Variants in EMCN observed in about 807,000 individuals in gnomAD.
EMCN encodes endomucin, also known as MUC-14.
EMCN carries 37 observed loss-of-function variants against 38.4 expected under a neutral mutation model. That is an observed-to-expected ratio of 0.96 (90% CI 0.74 to 1.27). The LOEUF is 1.27. Ranked by LOEUF, EMCN falls within the 50% of genes most tolerant of loss-of-function variation. EMCN has a pLI of 0.00. For synonymous variants in EMCN, 95 were observed against 100.8 expected (o/e 0.94, Z 0.35); for missense variants, 318 against 302.8 (o/e 1.05, Z -0.37).
chr4:100,451,792 C>T (rs907240543), intron 4 of EMCN, among the ~76,000 whole-genome samples: 4 of 151,848 alleles, frequency 2.6e-5, no homozygotes, highest in African/African-American at 9.7e-5. Flanking sequence ...CTTTGCCTGG[C>T]TTTTATGAGA....
At chr4:100,457,713 G>A (rs1475782967) in intron 4 of EMCN, among the ~76,000 whole-genome samples, 1 of 152,072 alleles carries the variant, frequency 6.6e-6, no homozygotes, top group Non-Finnish European at 1.5e-5. Context: ...ATATTTTGTT[G>A]AACGTATTTG....
chr4:100,420,644 G>A (rs1726863083), intron 8 of EMCN, among the ~76,000 whole-genome samples: 1 of 151,928 alleles, frequency 6.6e-6, no homozygotes, highest in African/African-American at 2.4e-5. Flanking sequence ...TCAGAATTTA[G>A]TTAACAATAA....
rs35563606 is a variant in EMCN, at chr4:100,490,174, TA to T, written c.65-10136del. Among the ~76,000 whole-genome samples, 614 of 120,290 alleles carry T rather than the reference TA, an allele frequency of 5.1e-3. 3 individuals carry two copies. Among genetic ancestry groups the T allele is most frequent in the Middle Eastern group, 9.0e-3 (2 of 222 alleles). The allele number at this position is 120,290 out of a possible 152,430, so 78.9% of individuals were successfully genotyped here. A position where few individuals can be genotyped will look rare whatever the true frequency, so the allele number is the denominator to read the frequency against. On this transcript the variant is annotated intron_variant, in intron 1 of 11. Transcript: ENST00000296420. ...CTTAATTTTTTACAACTTGAAAAAGTAAAAAAAAAAAAAAAGATTAAAAACA... is the reference window on the plus strand; with the variant it reads ...CTTAATTTTTTACAACTTGAAAAAGTAAAAAAAAAAAAAAGATTAAAAACA...
intron 4 of EMCN, among the ~76,000 whole-genome samples, chr4:100,461,299 C>A (rs868803012): frequency 7.9e-5 from 12 of 152,230 alleles, no homozygotes; most frequent in Middle Eastern, 6.8e-3. Flanking sequence ...AAAATTGGCA[C>A]TACCATCACC....
intron 11 of EMCN, among the ~76,000 whole-genome samples, chr4:100,406,018 G>A (rs1726382807): frequency 6.6e-6 from 1 of 151,894 alleles, no homozygotes; most frequent in Admixed American, 6.6e-5. Context: ...ACATAAAGAT[G>A]TTTGTAATAG....
chr4:100,446,512 T>A (rs1330473492), intron 5 of EMCN, among the ~76,000 whole-genome samples: 5 of 152,108 alleles, frequency 3.3e-5, no homozygotes, highest in African/African-American at 1.2e-4. Flanking sequence ...CACTCATAAT[T>A]TTTTTATTTT....
At chr4:100,481,649 A>G (rs369542169) in intron 1 of EMCN, among the ~76,000 whole-genome samples, 52 of 152,012 alleles carry the variant, frequency 3.4e-4, no homozygotes, top group African/African-American at 1.3e-3. Flanking sequence ...TGTTCTGGCT[A>G]TTTTTGTTTT....
intron 5 of EMCN, among the ~76,000 whole-genome samples, chr4:100,430,678 A>G (rs1226075927): frequency 1.3e-5 from 2 of 152,172 alleles, no homozygotes; most frequent in Non-Finnish European, 2.9e-5. Flanking sequence ...AGGGTGGTGC[A>G]AGAACAGTGC....
intron 5 of EMCN, among the ~76,000 whole-genome samples, chr4:100,439,769 T>G (rs1173726208): frequency 1.3e-5 from 2 of 152,024 alleles, no homozygotes; most frequent in Admixed American, 1.3e-4. Context: ...TGTATTGCTA[T>G]AAACTTTTCT....
At chr4:100,413,276 T>C (rs1726615205) in intron 10 of EMCN, among the ~76,000 whole-genome samples, 5 of 152,216 alleles carry the variant, frequency 3.3e-5, no homozygotes, top group Non-Finnish European at 7.3e-5. Flanking sequence ...AATTGTTTTC[T>C]GTATTTTAAA....
intron 1 of EMCN, among the ~76,000 whole-genome samples, chr4:100,498,188 A>G (rs1729258871): frequency 6.6e-6 from 1 of 152,212 alleles, no homozygotes; most frequent in African/African-American, 2.4e-5. Context: ...CTGAAGAAAC[A>G]ATGTCTGAAA....
chr4:100,513,024 A>G (rs1729668332), intron 1 of EMCN, among the ~76,000 whole-genome samples: 1 of 152,170 alleles, frequency 6.6e-6, no homozygotes, highest in Non-Finnish European at 1.5e-5. Context: ...GTTGTCTAGT[A>G]AATTCAAAGC....
chr4:100,422,817 C>CTTTCTTTT (rs200916996), intron 7 of EMCN, among the ~76,000 whole-genome samples: 3,460 of 120,140 alleles, frequency 0.029, 49 homozygotes, highest in Non-Finnish European at 0.041. Context: ...TTCTTTCTTT[C>CTTTCTTTT]TTTTCTTTTT....
At chr4:100,489,397 A>G (rs2110290451) in intron 1 of EMCN, among the ~76,000 whole-genome samples, 1 of 152,340 alleles carries the variant, frequency 6.6e-6, no homozygotes, top group South Asian at 2.1e-4. Context: ...GTTTTCCACA[A>G]TGATGGTAGT....
chr4:100,513,520 C>T lies in EMCN; in HGVS notation c.64+4331G>A, dbSNP rs1021603828. On this transcript the variant is annotated intron_variant, in intron 1 of 11. Transcript: ENST00000296420. ...AAGGTAGCTCCTTGAATACTTTTAA[C>T]TATAGGAATGTATCACATTGAGTAT... Among the ~76,000 whole-genome samples, 8 of 152,062 alleles carry T rather than the reference C, an allele frequency of 5.3e-5. No homozygotes were observed. In the South Asian group the frequency reaches 6.2e-4, roughly 12 times the overall value.
intron 11 of EMCN, among the ~76,000 whole-genome samples, chr4:100,400,160 A>C (rs1726216454): frequency 6.6e-6 from 1 of 152,198 alleles, no homozygotes; most frequent in Non-Finnish European, 1.5e-5. Flanking sequence ...GGTTTCTAAC[A>C]ATATCTAATC....
chr4:100,423,464 C>G, intron 5 of EMCN, 60 bp from the exon 6 acceptor site: 2 of 1,197,622 alleles, frequency 1.7e-6, no homozygotes, highest in Non-Finnish European at 2.5e-6. Flanking sequence ...TATGGGATTT[C>G]TTTGCAGATT....
chr4:100,517,787 G>A, intron 1 of EMCN, 64 bp downstream of exon 1: 2 of 1,483,080 alleles, frequency 1.3e-6, no homozygotes, highest in Admixed American at 3.3e-5. Flanking sequence ...AAAGTAAACT[G>A]AGGCTGAGTC....
At chr4:100,466,675 G>A (rs1728325572) in intron 3 of EMCN, among the ~76,000 whole-genome samples, 1 of 152,180 alleles carries the variant, frequency 6.6e-6, no homozygotes, top group South Asian at 2.1e-4. Context: ...AGGAAAATAT[G>A]TGAAGTAGAG....
Sources: gnomAD v4.1 joint callset for allele counts (sites outside exome capture counted in the v4.1 genomes callset) on GRCh38, gnomAD v4.1.1 for gene constraint, MANE v1.5 for transcripts, NCBI Gene and HGNC (gene_info 2026-07-23, HGNC 2026-07-21) for gene names.